Variants in CFAP61 observed in about 807,000 individuals in gnomAD.
The protein encoded by CFAP61 is cilia- and flagella-associated protein 61.
In CFAP61, 107 loss-of-function variants were observed where a neutral mutation model predicts 135.6. The ratio of observed to expected loss-of-function variants is 0.79; its 90% CI spans 0.67 to 0.93. The LOEUF (loss-of-function observed/expected upper bound fraction) is 0.93. Among genes scored for constraint, CFAP61 ranks in the 40% least tolerant of loss-of-function variants. The probability of loss-of-function intolerance (pLI) is 0.00; values close to 1 mark genes in which losing one functional copy is unlikely to be tolerated. For missense variants in CFAP61, 1,507 were observed against 1,556.2 expected (o/e 0.97, Z 0.53); for synonymous variants, 575 against 578.5 (o/e 0.99, Z 0.09).
At chr20:20,284,318 C>T (rs945221846) in intron 22 of CFAP61, among the ~76,000 whole-genome samples, 1 of 150,266 alleles carries the variant, frequency 6.7e-6, no homozygotes, top group Non-Finnish European at 1.5e-5. Flanking sequence ...TGGAGTCTCG[C>T]TTTGTTGCCC....
At chr20:20,360,063 C>G in intron 26 of CFAP61, 147 bp from the exon 27 acceptor site, 1 of 687,732 alleles carries the variant, frequency 1.5e-6, no homozygotes, top group Non-Finnish European at 2.5e-6. Flanking sequence ...TACTTTGCCA[C>G]AATTAAAAAT....
At chr20:20,202,106 G>A (rs1191068564) in intron 17 of CFAP61, among the ~76,000 whole-genome samples, 1 of 152,066 alleles carries the variant, frequency 6.6e-6, no homozygotes, top group Non-Finnish European at 1.5e-5. Context: ...AGGTTGCTAT[G>A]ATCCGAAACC....
intron 8 of CFAP61, among the ~76,000 whole-genome samples, chr20:20,115,502 C>A (rs747990980): frequency 2.3e-4 from 35 of 151,856 alleles, no homozygotes; most frequent in Non-Finnish European, 3.8e-4. Flanking sequence ...ACTATAGGCA[C>A]CCTATTGAGC....
chr20:20,300,330 G>A (rs2055985683), intron 25 of CFAP61, among the ~76,000 whole-genome samples: 1 of 152,098 alleles, frequency 6.6e-6, no homozygotes, highest in Admixed American at 6.6e-5. Flanking sequence ...TAGGTCCTTT[G>A]GGGGTATTCA....
Position 20,360,246 on chromosome 20 carries a change from C to G in CFAP61, c.3550C>G (p.Gln1184Glu). The change falls in exon 27 of 27, where the codon CAA becomes GAA. Residue 1184 changes from glutamine (Q) to glutamate (E), a missense_variant. Transcript: ENST00000245957. ...TCCTTCCATAGAGCAGTTAGCCCAT[C>G]AAATAGAAGATGAGGAAATCAACCC... is the stretch of plus-strand genomic sequence containing the variant. ...DLPSIEQLAH[Q>E]IEDEEINPTE... The G allele has an allele frequency of 6.2e-7, 1 of 1,613,892 alleles. No homozygotes were observed. The highest frequency in any genetic ancestry group is 8.5e-7 in the Non-Finnish European group (1 of 1,179,974).
chr20:20,054,704 A>AC (rs1355500685), intron 1 of CFAP61, among the ~76,000 whole-genome samples: 1 of 151,906 alleles, frequency 6.6e-6, no homozygotes, highest in African/African-American at 2.4e-5. Flanking sequence ...AAGTTTGCTA[A>AC]CCCCCGTGCT....
chr20:20,222,277 A>G (rs566814158), intron 17 of CFAP61, among the ~76,000 whole-genome samples: 9 of 152,354 alleles, frequency 5.9e-5, no homozygotes, highest in African/African-American at 1.9e-4. Flanking sequence ...GAATATGGGT[A>G]TATGAGGGAT....
intron 8 of CFAP61, among the ~76,000 whole-genome samples, chr20:20,099,127 T>TCACACA (rs11087302): frequency 0.29 from 43,797 of 149,262 alleles, 6,725 homozygotes; most frequent in Non-Finnish European, 0.35. Flanking sequence ...GTTTCAGGTT[T>TCACACA]CACACACACA....
intron 24 of CFAP61, among the ~76,000 whole-genome samples, chr20:20,290,838 A>T (rs2054952411): frequency 6.6e-6 from 1 of 152,228 alleles, no homozygotes; most frequent in South Asian, 2.1e-4. Context: ...AGCCTCCTTC[A>T]TGCCTTCAGG....
At chr20:20,105,081 G>C (rs1056597073) in intron 8 of CFAP61, among the ~76,000 whole-genome samples, 1 of 152,022 alleles carries the variant, frequency 6.6e-6, no homozygotes, top group Non-Finnish European at 1.5e-5. Context: ...GCCTTCCTCT[G>C]GTCCCTAATA....
chr20:20,179,909 A>G (rs913488021), intron 13 of CFAP61, among the ~76,000 whole-genome samples: 1 of 152,198 alleles, frequency 6.6e-6, no homozygotes, highest in Non-Finnish European at 1.5e-5. Flanking sequence ...AAAACACAAA[A>G]CTATAAAAAC....
chr20:20,288,451 A>C (rs1310557616), intron 22 of CFAP61, among the ~76,000 whole-genome samples, 158 bp from the exon 23 acceptor site: 1 of 152,224 alleles, frequency 6.6e-6, no homozygotes, highest in Non-Finnish European at 1.5e-5. Context: ...GCCCAAGGCA[A>C]TCTATCTCTC....
intron 17 of CFAP61, 96 bp downstream of exon 17, chr20:20,199,998 T>G: frequency 7.1e-7 from 1 of 1,406,390 alleles, no homozygotes; most frequent in East Asian, 2.3e-5. Flanking sequence ...GCAGGCTGCT[T>G]CTTAATTACA....
At chr20:20,248,388 AATTT>A (rs1269288233) in intron 19 of CFAP61, among the ~76,000 whole-genome samples, 5 of 152,240 alleles carry the variant, frequency 3.3e-5, no homozygotes, top group Non-Finnish European at 7.3e-5. Context: ...TAAATTTAGT[AATTT>A]AAATCCCTGA....
chr20:20,185,886 A>C (rs2055462340), intron 13 of CFAP61, among the ~76,000 whole-genome samples: 1 of 152,080 alleles, frequency 6.6e-6, no homozygotes, highest in South Asian at 2.1e-4. Flanking sequence ...CCTTTTTCTC[A>C]TGATTTTTGC....
intron 26 of CFAP61, among the ~76,000 whole-genome samples, chr20:20,351,146 G>C (rs1273784856): frequency 6.6e-6 from 1 of 152,028 alleles, no homozygotes; most frequent in Non-Finnish European, 1.5e-5. Flanking sequence ...CATCCAACTA[G>C]GAAAGGAAGA....
chr20:20,069,062 G>A (rs1053531587), intron 2 of CFAP61, among the ~76,000 whole-genome samples: 6 of 151,938 alleles, frequency 3.9e-5, no homozygotes, highest in Non-Finnish European at 5.9e-5. Context: ...TATATATACC[G>A]AGAGATACTG....
intron 13 of CFAP61, among the ~76,000 whole-genome samples, chr20:20,182,731 G>A (rs912814932): frequency 1.3e-5 from 2 of 152,164 alleles, no homozygotes; most frequent in South Asian, 2.1e-4. Flanking sequence ...GCAATTAAAA[G>A]CAATTTCCTT....
chr20:20,208,046 G>A (rs934842951), intron 17 of CFAP61, among the ~76,000 whole-genome samples: 11 of 152,270 alleles, frequency 7.2e-5, no homozygotes, highest in African/African-American at 2.2e-4. Context: ...CCTCCTGCCC[G>A]GCCCTGCATT....
Sources: gnomAD v4.1 joint callset for allele counts (sites outside exome capture counted in the v4.1 genomes callset) on GRCh38, gnomAD v4.1.1 for gene constraint, MANE v1.5 for transcripts, NCBI Gene and HGNC (gene_info 2026-07-23, HGNC 2026-07-21) for gene names.